The following PCDHGA6 variants were observed in gnomAD, a reference collection of about 807,000 sequenced individuals.
The protein encoded by PCDHGA6 is protocadherin gamma subfamily A, 6, also known as protocadherin gamma-A6.
PCDHGA6 carries 41 observed loss-of-function variants against 60.6 expected under a neutral mutation model. That is an observed-to-expected ratio of 0.68 (90% confidence interval 0.53 to 0.88). PCDHGA6 has a LOEUF of 0.88. Ranked by LOEUF, PCDHGA6 falls within the 40% of genes least tolerant of loss-of-function variation. PCDHGA6 has a pLI of 0.00. For synonymous variants in PCDHGA6, 594 were observed against 524.4 expected (o/e 1.13, Z -1.81); for missense variants, 1,312 against 1,203.0 (o/e 1.09, Z -1.34).
Position 141,432,254 on chromosome 5 carries a change from G to A in PCDHGA6, c.2424+55747G>A, listed in dbSNP as rs935437220. 6.2e-7 allele frequency: 1 copy of A among 1,614,242 alleles called. No homozygotes were observed. The highest frequency in any genetic ancestry group is 8.5e-7 in the Non-Finnish European group (1 of 1,180,050). ...CCTGGCTGAGAACACCATCCAAGGG[G>A]CAAGCCTATCGTCCTACGTGTCCAT... On this transcript the variant is annotated intron_variant, in intron 1 of 3. Transcript: ENST00000517434. The surrounding 1 kb of genome is among the most constrained non-coding windows in gnomAD (Gnocchi z 6.0).
chr5:141,415,907 T>C, intron 1 of PCDHGA6: 1 of 779,592 alleles, frequency 1.3e-6, no homozygotes. Context: ...CAGACTTCCA[T>C]ACAGAAGTGC....
chr5:141,399,589 A>G (rs1460754588), intron 1 of PCDHGA6: 6 of 1,613,866 alleles, frequency 3.7e-6, no homozygotes, highest in Non-Finnish European at 3.4e-6. Context: ...CTACTCTATC[A>G]TGGCCAGCGA....
At chr5:141,425,686 A>C (rs1026122573) in intron 1 of PCDHGA6, among the ~76,000 whole-genome samples, 4 of 152,252 alleles carry the variant, frequency 2.6e-5, no homozygotes, top group Non-Finnish European at 5.9e-5. Context: ...AATACTGCAT[A>C]TCATTTCATA....
At chr5:141,414,846 G>A in intron 1 of PCDHGA6, 1 of 1,614,218 alleles carries the variant, frequency 6.2e-7, no homozygotes, top group African/African-American at 1.3e-5. Flanking sequence ...TGTTTGTGCT[G>A]GACCAGAACG....
chr5:141,419,032 A>G (rs1421513275), intron 1 of PCDHGA6: 2 of 1,614,004 alleles, frequency 1.2e-6, no homozygotes, highest in Non-Finnish European at 1.7e-6. Flanking sequence ...GAGGTGTTCC[A>G]TTTAAGATTC....
At chr5:141,395,297 T>C in intron 1 of PCDHGA6, 1 of 1,523,916 alleles carries the variant, frequency 6.6e-7, no homozygotes, top group Non-Finnish European at 8.8e-7. Context: ...GCATAAATTA[T>C]GTTTTGAAAA....
At position 141,476,573 on chromosome 5, in the gene PCDHGA6, C is replaced by T; in HGVS notation, c.2425-18234C>T. 6.2e-7 allele frequency: 1 copy of T among 1,614,216 alleles called. No homozygotes were observed. Among genetic ancestry groups the T allele is most frequent in the Non-Finnish European group, 8.5e-7 (1 of 1,180,038 alleles). On this transcript the variant is annotated intron_variant, in intron 1 of 3. Coordinates refer to ENST00000517434, the MANE Select transcript of PCDHGA6 (RefSeq NM_018919.3). The surrounding 1 kb of genome is among the most constrained non-coding windows in gnomAD (Gnocchi z 7.6). ...TAGCGAGGCCGTGGCTCCGGGGACG[C>T]GCTTTCCGCTCGAGAGCGCGCACGA... is the stretch of plus-strand genomic sequence containing the variant.
In PCDHGA6 at chr5:141,431,937, A is replaced by T; in HGVS notation, c.2424+55430A>T. On this transcript the variant is annotated intron_variant, in intron 1 of 3. Coordinates refer to ENST00000517434, the MANE Select transcript of PCDHGA6 (RefSeq NM_018919.3). The surrounding 1 kb of genome is among the most constrained non-coding windows in gnomAD (Gnocchi z 4.8). ...TTCATCCAAGGAAATCTGCCCTTTAAATTAGAAAAATCTTACGGAAATTAC... is the reference window on the plus strand; with the variant it reads ...TTCATCCAAGGAAATCTGCCCTTTATATTAGAAAAATCTTACGGAAATTAC... The T allele has an allele frequency of 6.2e-7, 1 of 1,614,144 alleles. No individual in the cohort carries two copies. The highest frequency in any genetic ancestry group is 8.5e-7 in the Non-Finnish European group (1 of 1,180,014).
chr5:141,491,361 C>T lies in PCDHGA6; in HGVS notation c.2425-3446C>T. 1 of 1,614,132 alleles carries T rather than the reference C, an allele frequency of 6.2e-7. No homozygotes were observed. The highest frequency in any genetic ancestry group is 8.5e-7 in the Non-Finnish European group (1 of 1,179,982). ...CGACCGTCAGTCTCTTATCCCTAGT[C>T]ACCTTCACCTTTCTGTCAGCGAAGT... On this transcript the variant is annotated intron_variant, in intron 1 of 3. Transcript: ENST00000517434. The surrounding 1 kb of genome is among the most constrained non-coding windows in gnomAD (Gnocchi z 6.9).
At chr5:141,492,385 G>A (rs1224771842) in intron 1 of PCDHGA6, among the ~76,000 whole-genome samples, 1 of 152,208 alleles carries the variant, frequency 6.6e-6, no homozygotes, top group Non-Finnish European at 1.5e-5. Context: ...GGCCTGTTCC[G>A]GTCCACTCGC....
At chr5:141,403,319 G>A (rs776881134) in intron 1 of PCDHGA6, 2 of 1,613,954 alleles carry the variant, frequency 1.2e-6, no homozygotes, top group East Asian at 2.2e-5. Flanking sequence ...AGAAATAGAA[G>A]TAACTGATAT....
intron 3 of PCDHGA6, 93 bp downstream of exon 3, chr5:141,505,574 C>G: frequency 6.3e-7 from 1 of 1,593,636 alleles, no homozygotes; most frequent in South Asian, 1.1e-5. Flanking sequence ...GGATGTCAAA[C>G]CTGTGTAGTT....
intron 1 of PCDHGA6, chr5:141,404,371 C>G (rs374054833): frequency 1.5e-5 from 25 of 1,613,774 alleles, no homozygotes; most frequent in Non-Finnish European, 2.0e-5. Context: ...CCATCTTCTC[C>G]GTGATTGCCT....
chr5:141,501,125 C>A (rs2099805699), intron 2 of PCDHGA6, among the ~76,000 whole-genome samples: 1 of 152,140 alleles, frequency 6.6e-6, no homozygotes, highest in South Asian at 2.1e-4. Context: ...CCTCAGCCTC[C>A]CTAAGTGCTG....
chr5:141,401,250 GA>G (rs1387561920), intron 1 of PCDHGA6, among the ~76,000 whole-genome samples: 4 of 152,148 alleles, frequency 2.6e-5, no homozygotes, highest in African/African-American at 9.7e-5. Flanking sequence ...GCTAAGACAG[GA>G]GAATTGCTTG....
chr5:141,504,680 A>G (rs912248504), intron 2 of PCDHGA6, among the ~76,000 whole-genome samples: 1 of 150,294 alleles, frequency 6.7e-6, no homozygotes, highest in Non-Finnish European at 1.5e-5. Flanking sequence ...GGGTTCTTGT[A>G]AAATAGGAGG....
chr5:141,388,876 T>C lies in PCDHGA6; in HGVS notation c.2424+12369T>C, dbSNP rs941783342. 6.2e-6 allele frequency: 10 copies of C among 1,613,840 alleles called. No homozygotes were observed. In the African/African-American group the frequency reaches 1.1e-4, roughly 17 times the overall value. On this transcript the variant is annotated intron_variant, in intron 1 of 3. Coordinates refer to ENST00000517434, the MANE Select transcript of PCDHGA6 (RefSeq NM_018919.3). ...GGAGGAATGATTGCGCAATGCACAGTGGAGGTAGAAGTCATAGATGAAAAT... is the reference window on the plus strand; with the variant it reads ...GGAGGAATGATTGCGCAATGCACAGCGGAGGTAGAAGTCATAGATGAAAAT...
chr5:141,453,116 GT>G (rs2098756689), intron 1 of PCDHGA6, among the ~76,000 whole-genome samples: 1 of 151,698 alleles, frequency 6.6e-6, no homozygotes, highest in Admixed American at 6.6e-5. Context: ...GTTTTGTTTT[GT>G]TTTGTTTTGT....
At chr5:141,444,471 G>A (rs929365899) in intron 1 of PCDHGA6, among the ~76,000 whole-genome samples, 1 of 151,876 alleles carries the variant, frequency 6.6e-6, no homozygotes, top group Non-Finnish European at 1.5e-5. Flanking sequence ...GCGCCCGGTC[G>A]CGTACTGGAT....
Sources: allele counts gnomAD v4.1 joint callset (sites outside exome capture counted in the v4.1 genomes callset), GRCh38; gene constraint gnomAD v4.1.1; non-coding constraint Gnocchi (gnomAD v3.1); transcripts MANE v1.5; gene names NCBI Gene and HGNC (gene_info 2026-07-23, HGNC 2026-07-21).